SLC15A5: variants seen among roughly 807,000 people sequenced by gnomAD.
SLC15A5 encodes the protein Peptide/histidine transporter ENSP00000340402.
SLC15A5 carries 58 observed loss-of-function variants against 56.1 expected under a neutral mutation model. That is an observed-to-expected ratio of 1.03 (90% CI 0.84 to 1.29). The LOEUF (loss-of-function observed/expected upper bound fraction) is 1.29. Ranked by LOEUF, SLC15A5 falls within the 50% of genes most tolerant of loss-of-function variation. The pLI, the probability that SLC15A5 is intolerant of heterozygous loss-of-function variation, is 0.00. For missense variants in SLC15A5, 681 were observed against 672.1 expected (o/e 1.01, Z -0.15); for synonymous variants, 264 against 250.5 (o/e 1.05, Z -0.51).
At chr12:16,195,606 A>G (rs911865841) in intron 7 of SLC15A5, among the ~76,000 whole-genome samples, 3 of 152,046 alleles carry the variant, frequency 2.0e-5, no homozygotes, top group African/African-American at 4.8e-5. Flanking sequence ...AACTCCTACA[A>G]TGGAAGGTGA....
chr12:16,263,910 G>A (rs185803650), intron 2 of SLC15A5, among the ~76,000 whole-genome samples: 12 of 152,376 alleles, frequency 7.9e-5, no homozygotes, highest in Admixed American at 6.5e-4. Context: ...ACACCTGGAT[G>A]TCCAGGCAGA....
chr12:16,274,011 A>C (rs1310508212), intron 1 of SLC15A5, among the ~76,000 whole-genome samples: 1 of 151,132 alleles, frequency 6.6e-6, no homozygotes, highest in Non-Finnish European at 1.5e-5. Flanking sequence ...TACACTGTTG[A>C]GTTTTTAATG....
chr12:16,247,370 T>C (rs1041865933), intron 3 of SLC15A5, among the ~76,000 whole-genome samples: 4 of 152,192 alleles, frequency 2.6e-5, no homozygotes, highest in African/African-American at 4.8e-5. Flanking sequence ...CAATCATTGA[T>C]TTATTCCACG....
intron 7 of SLC15A5, among the ~76,000 whole-genome samples, chr12:16,210,418 T>C (rs559674681): frequency 2.6e-5 from 4 of 152,356 alleles, no homozygotes; most frequent in African/African-American, 9.6e-5. Context: ...ATGGAATCTA[T>C]TCTTTTCTGG....
intron 2 of SLC15A5, among the ~76,000 whole-genome samples, chr12:16,258,158 A>G (rs189688134): frequency 2.0e-5 from 3 of 152,272 alleles, no homozygotes; most frequent in Middle Eastern, 6.8e-3. Context: ...GGCTGAATAG[A>G]TAGTAAATAT....
In SLC15A5 at chr12:16,244,566, T is replaced by C. The variant is rs1864443282; in HGVS notation, c.975+14A>G. The C allele has an allele frequency of 1.3e-6, 2 of 1,535,122 alleles. No homozygotes were observed. The highest frequency in any genetic ancestry group is 2.7e-5 in the African/African-American group (2 of 73,082). ...TTTCCTGTTGTTGGGGTAGTACTCATCGCCTGTCCTTACCTGCATAATGCA... is the reference window on the plus strand; with the variant it reads ...TTTCCTGTTGTTGGGGTAGTACTCACCGCCTGTCCTTACCTGCATAATGCA... On this transcript the variant is annotated intron_variant, in intron 4 of 8. Coordinates refer to ENST00000344941, the MANE Select transcript of SLC15A5 (RefSeq NM_001170798.1).
intron 5 of SLC15A5, among the ~76,000 whole-genome samples, chr12:16,234,009 A>C (rs1428870127): frequency 6.6e-6 from 1 of 152,248 alleles, no homozygotes; most frequent in Non-Finnish European, 1.5e-5. Context: ...ATTCAAAAAA[A>C]GTGTGAGACT....
rs549567590 is a variant in SLC15A5 at position 16,257,874 on chromosome 12, G to C, written c.585-4C>G. ...TAGGTTCATGAGCCAATAAAACCTG[G>C]GGTATACAGACAGACAAAAATAAAA... On this transcript the variant is annotated splice_region_variant and splice_polypyrimidine_tract_variant and intron_variant, in intron 2 of 8. Coordinates refer to ENST00000344941, the MANE Select transcript of SLC15A5 (RefSeq NM_001170798.1). 1 of 1,460,712 alleles carries C rather than the reference G, an allele frequency of 6.8e-7. No homozygotes were observed. The highest frequency in any genetic ancestry group is 1.4e-5 in the South Asian group (1 of 69,794). 90.5% of individuals were successfully genotyped at this position (1,460,712 alleles called of 1,614,324 possible). A position where few individuals can be genotyped will look rare whatever the true frequency, so the allele number is the denominator to read the frequency against.
intron 5 of SLC15A5, among the ~76,000 whole-genome samples, chr12:16,234,466 G>A (rs146316703): frequency 1.3e-5 from 2 of 152,274 alleles, no homozygotes; most frequent in African/African-American, 4.8e-5. Context: ...AGCAAACTTT[G>A]ATTCCGACCT....
rs369530147 is a variant in SLC15A5, at chr12:16,242,036, G to C, written c.976-2169C>G. ...TATTCAGAAATAATTGCTGTCAATA[G>C]AGATTCATTCTCACCTTTGACTGGC... On this transcript the variant is annotated intron_variant, in intron 4 of 8. Transcript: ENST00000344941. Among the ~76,000 whole-genome samples the C allele has an allele frequency of 1.6e-3, 242 of 152,224 alleles. 1 individual carries two copies. Among genetic ancestry groups the C allele is most frequent in the African/African-American group, 5.6e-3 (232 of 41,534 alleles).
chr12:16,209,123 G>A (rs1864052886), intron 7 of SLC15A5, among the ~76,000 whole-genome samples: 1 of 149,816 alleles, frequency 6.7e-6, no homozygotes, highest in Non-Finnish European at 1.5e-5. Flanking sequence ...TGATCATAGT[G>A]TTGCTAAATT....
chr12:16,223,156 T>C lies in SLC15A5; in HGVS notation c.1351+1258A>G, dbSNP rs903837606. Among the ~76,000 whole-genome samples, 3 of 151,962 alleles carry C rather than the reference T, an allele frequency of 2.0e-5. No homozygotes were observed. In the South Asian group the frequency reaches 6.2e-4, roughly 32 times the overall value. ...TAAATACATATTTATTAAATATTTA[T>C]TTTAAGGAGTTTGGAAACAACTTTT... On this transcript the variant is annotated intron_variant, in intron 6 of 8. Coordinates refer to ENST00000344941, the MANE Select transcript of SLC15A5 (RefSeq NM_001170798.1).
intron 7 of SLC15A5, among the ~76,000 whole-genome samples, chr12:16,214,428 G>T (rs1268257302): frequency 6.6e-6 from 1 of 152,188 alleles, no homozygotes; most frequent in Non-Finnish European, 1.5e-5. Context: ...ATGCTAATCA[G>T]ATGACCCGGA....
rs1863896606 is a variant in SLC15A5, at chr12:16,196,609, A to T, written c.1484-2156T>A. On this transcript the variant is annotated intron_variant, in intron 7 of 8. Transcript: ENST00000344941. The surrounding 1 kb of genome is among the most constrained non-coding windows in gnomAD (Gnocchi z 4.0). Reference sequence around the variant, plus strand: ...TGTATTTCTGTCCTTTTCATTTCACATCAGCACTTTGCATGTCATGCGATT... The same window carrying T: ...TGTATTTCTGTCCTTTTCATTTCACTTCAGCACTTTGCATGTCATGCGATT... Among the ~76,000 whole-genome samples, 1 of 152,056 alleles carries T rather than the reference A, an allele frequency of 6.6e-6. No individual in the cohort carries two copies. The highest frequency in any genetic ancestry group is 2.4e-5 in the African/African-American group (1 of 41,398).
At chr12:16,259,474 G>A (rs1263672569) in intron 2 of SLC15A5, among the ~76,000 whole-genome samples, 2 of 151,506 alleles carry the variant, frequency 1.3e-5, no homozygotes, top group African/African-American at 4.9e-5. Context: ...AAAAGGAGAA[G>A]TACAGACAAC....
chr12:16,217,715 T>C (rs1361916913), intron 6 of SLC15A5, among the ~76,000 whole-genome samples: 1 of 152,116 alleles, frequency 6.6e-6, no homozygotes, highest in Non-Finnish European at 1.5e-5. Context: ...TCTTATCAAA[T>C]TGAGTAGTTC....
At chr12:16,265,528 G>T (rs1263544679) in intron 2 of SLC15A5, among the ~76,000 whole-genome samples, 2 of 152,092 alleles carry the variant, frequency 1.3e-5, no homozygotes, top group African/African-American at 4.8e-5. Context: ...GACTAGGCTG[G>T]AGTACAGTAG....
rs1346488920 is a variant in SLC15A5 at position 16,277,498 on chromosome 12, T to C, written c.188A>G (p.Asn63Ser). 6.5e-7 allele frequency: 1 copy of C among 1,536,582 alleles called. No individual in the cohort carries two copies. Among genetic ancestry groups the C allele is most frequent in the Non-Finnish European group, 8.7e-7 (1 of 1,146,470 alleles). Residue 63 changes from asparagine to serine, a missense_variant, in exon 1 of 9, where the codon AAC becomes AGC. Transcript: ENST00000344941. Reference sequence around the variant, plus strand: ...CTTGATAGTGCAAAAGGGGATCATGTTGCAGACGACTTCAAAGAACGTGAA... The same window carrying C: ...CTTGATAGTGCAAAAGGGGATCATGCTGCAGACGACTTCAAAGAACGTGAA... Reference protein sequence around the residue: ...ERFTFFEVVCNMIPFCTIKLG... With the variant: ...ERFTFFEVVCSMIPFCTIKLG...
At chr12:16,224,781 G>A (rs1864223414) in intron 5 of SLC15A5, among the ~76,000 whole-genome samples, 179 bp from the exon 6 acceptor site, 1 of 151,440 alleles carries the variant, frequency 6.6e-6, no homozygotes, top group African/African-American at 2.4e-5. Context: ...ACAATGTGCA[G>A]GTTTGTTACA....
Sources: gnomAD v4.1 joint callset for allele counts (sites outside exome capture counted in the v4.1 genomes callset) on GRCh38, gnomAD v4.1.1 for gene constraint, Gnocchi (gnomAD v3.1) non-coding constraint, MANE v1.5 for transcripts, NCBI Gene and HGNC (gene_info 2026-07-23, HGNC 2026-07-21) for gene names.